The following NLGN4X variants were observed in gnomAD, a reference collection of about 807,000 sequenced individuals.
NLGN4X encodes the protein neuroligin 4 X-linked.
Under a neutral mutation model 40.3 loss-of-function variants are expected in NLGN4X, and 3 were observed. The observed-to-expected ratio is 0.07, with a 90% CI of 0.03 to 0.19. NLGN4X has a LOEUF of 0.19. Among genes scored for constraint, NLGN4X ranks in the 10% least tolerant of loss-of-function variants. The pLI is 1.00. For synonymous variants in NLGN4X, 270 were observed against 306.8 expected (o/e 0.88, Z 1.25); for missense variants, 382 against 708.3 (o/e 0.54, Z 5.23).
intron 2 of NLGN4X, among the ~76,000 whole-genome samples, chrX:6,052,509 G>A (rs139694766): frequency 0.018 from 1,994 of 111,931 alleles, 13 homozygotes; most frequent in Non-Finnish European, 0.028. Flanking sequence ...ACTTGAAGGC[G>A]TGCCAGCCAG....
rs748914086 is a variant in NLGN4X at position 6,054,331 on chromosome X, C to A, written c.473-24899G>T. Among the ~76,000 whole-genome samples the A allele has an allele frequency of 4.5e-5, 5 of 111,514 alleles. No individual in the cohort carries two copies. The East Asian group carries it at 1.4e-3, about 31-fold the overall frequency. On this transcript the variant is annotated intron_variant, in intron 2 of 5. Coordinates refer to ENST00000381095, the MANE Select transcript of NLGN4X (RefSeq NM_181332.3). The stretch of plus-strand genomic sequence containing the variant: ...AATGGTATAAATGTAAAAACAGCAG[C>A]CAAATGGCTCGGCACTATCACACCT...
At chrX:6,057,821 T>C (rs1332466379) in intron 2 of NLGN4X, among the ~76,000 whole-genome samples, 1 of 111,457 alleles carries the variant, frequency 9.0e-6, no homozygotes, top group African/African-American at 3.3e-5. Context: ...TGCTCCCAAA[T>C]TAGTGAAATA....
At chrX:6,024,841 C>T (rs911269694) in intron 3 of NLGN4X, among the ~76,000 whole-genome samples, 9 of 111,792 alleles carry the variant, frequency 8.1e-5, no homozygotes. Context: ...CAACCCCTTG[C>T]TTAGCATATA....
At chrX:6,138,115 G>A (rs1172592792) in intron 2 of NLGN4X, among the ~76,000 whole-genome samples, 2 of 111,280 alleles carry the variant, frequency 1.8e-5, no homozygotes, top group African/African-American at 6.5e-5. Flanking sequence ...AGGAAGTGGA[G>A]GTATTCTATT....
At chrX:6,021,357 C>T (rs1246273820) in intron 3 of NLGN4X, among the ~76,000 whole-genome samples, 1 of 110,389 alleles carries the variant, frequency 9.1e-6, no homozygotes, top group African/African-American at 3.3e-5. Context: ...ACTATTACAT[C>T]AATGGCACCT....
rs2031161225 is a variant in NLGN4X at position 5,891,384 on chromosome X, T to C, written c.*1433A>G. 1 of 218,580 alleles carries C rather than the reference T, an allele frequency of 4.6e-6. No homozygotes were observed. The highest frequency in any genetic ancestry group is 6.4e-5 in the Admixed American group (1 of 15,748). The allele number at this position is 218,580 out of a possible 1,213,427, so 18.0% of individuals were successfully genotyped here. A position where few individuals can be genotyped will look rare whatever the true frequency, so the allele number is the denominator to read the frequency against. ...AAAAAGTGATGTTTTCAGACAATCA[T>C]ATGTTTGATCCCATAAATGATATAA... On this transcript the variant is annotated 3_prime_UTR_variant, in exon 6 of 6. Coordinates refer to ENST00000381095, the MANE Select transcript of NLGN4X (RefSeq NM_181332.3).
chrX:6,088,320 G>A (rs1279952503), intron 2 of NLGN4X, among the ~76,000 whole-genome samples: 2 of 111,932 alleles, frequency 1.8e-5, no homozygotes, highest in African/African-American at 3.2e-5. Context: ...ATGGTCCACG[G>A]CTAGAGCCCA....
intron 3 of NLGN4X, among the ~76,000 whole-genome samples, chrX:5,984,783 G>A (rs745788735): frequency 1.8e-5 from 2 of 112,055 alleles, no homozygotes; most frequent in Non-Finnish European, 3.8e-5. Context: ...TGAGAATATT[G>A]TTCAAGAAGA....
At chrX:5,989,112 G>T (rs1436425369) in intron 3 of NLGN4X, among the ~76,000 whole-genome samples, 1 of 109,425 alleles carries the variant, frequency 9.1e-6, no homozygotes, top group East Asian at 2.9e-4. Flanking sequence ...AAATAAAAAA[G>T]AGTTAGTTGA....
chrX:6,017,377 G>A (rs928398491), intron 3 of NLGN4X, among the ~76,000 whole-genome samples: 4 of 111,927 alleles, frequency 3.6e-5, no homozygotes, highest in African/African-American at 1.3e-4. Context: ...GAGGAATGAA[G>A]AAGGATGAAT....
intron 3 of NLGN4X, among the ~76,000 whole-genome samples, chrX:6,008,024 C>G (rs189388822): frequency 1.3e-3 from 147 of 111,816 alleles, no homozygotes; most frequent in Non-Finnish European, 2.3e-3. Context: ...CTTTCAGGAC[C>G]TTTCTACACT....
At chrX:5,944,136 C>T (rs2034045472) in intron 3 of NLGN4X, among the ~76,000 whole-genome samples, 1 of 111,648 alleles carries the variant, frequency 9.0e-6, no homozygotes, top group African/African-American at 3.3e-5. Context: ...GGAGGCTTCC[C>T]TAACTTCTTG....
intron 3 of NLGN4X, among the ~76,000 whole-genome samples, chrX:6,019,169 C>T (rs2036470462): frequency 8.9e-6 from 1 of 111,866 alleles, no homozygotes; most frequent in African/African-American, 3.2e-5. Context: ...GACTTATTAA[C>T]GTTGGAATGG....
At chrX:6,080,681 C>G (rs1183495873) in intron 2 of NLGN4X, among the ~76,000 whole-genome samples, 1 of 111,556 alleles carries the variant, frequency 9.0e-6, no homozygotes, top group African/African-American at 3.3e-5. Flanking sequence ...CCCCATAACC[C>G]ACAAAATCTT....
chrX:6,004,191 C>A (rs957129180), intron 3 of NLGN4X, among the ~76,000 whole-genome samples: 1 of 112,512 alleles, frequency 8.9e-6, no homozygotes, highest in Non-Finnish European at 1.9e-5. Flanking sequence ...TGTCTGTTTA[C>A]ATCTGACCTC....
chrX:5,947,013 C>A (rs2034146910), intron 3 of NLGN4X, among the ~76,000 whole-genome samples: 1 of 111,954 alleles, frequency 8.9e-6, no homozygotes. Flanking sequence ...CATGATCTTG[C>A]TCTTTTTTAT....
chrX:6,166,499 A>C (rs2040498817), intron 1 of NLGN4X, among the ~76,000 whole-genome samples: 1 of 111,896 alleles, frequency 8.9e-6, no homozygotes, highest in South Asian at 3.7e-4. Context: ...CATTTTTACA[A>C]AATGTATCAA....
At chrX:6,225,681 C>CTTTTTTTTTTTTTTTTTTT (rs1569309354) in intron 1 of NLGN4X, among the ~76,000 whole-genome samples, 392 of 33,665 alleles carry the variant, frequency 0.012, 22 homozygotes, top group Non-Finnish European at 0.016. Context: ...TTTTTTCTTT[C>CTTTTTTTTTTTTTTTTTTT]TTTTTTTCTT....
chrX:5,991,122 G>A (rs773325970), intron 3 of NLGN4X, among the ~76,000 whole-genome samples: 3 of 112,135 alleles, frequency 2.7e-5, no homozygotes, highest in Non-Finnish European at 5.6e-5. Context: ...TCTGACATGA[G>A]AAGACATGGC....
Sources: gnomAD v4.1 joint callset for allele counts (sites outside exome capture counted in the v4.1 genomes callset) on GRCh38, gnomAD v4.1.1 for gene constraint, MANE v1.5 for transcripts, NCBI Gene and HGNC (gene_info 2026-07-23, HGNC 2026-07-21) for gene names.